The following MAST4 variants were observed in gnomAD, a reference collection of about 807,000 sequenced individuals.
MAST4 encodes the protein microtubule-associated serine/threonine-protein kinase 4.
Under a neutral mutation model 162.7 loss-of-function variants are expected in MAST4, and 89 were observed. The observed-to-expected ratio is 0.55, with a 90% CI of 0.46 to 0.65. The LOEUF (loss-of-function observed/expected upper bound fraction) is 0.65, where lower values mean the gene tolerates loss of function less well. Among genes scored for constraint, MAST4 ranks in the 30% least tolerant of loss-of-function variants. The pLI is 0.00. For missense variants in MAST4, 3,153 were observed against 3,374.0 expected (o/e 0.93, Z 1.62); for synonymous variants, 1,479 against 1,361.1 (o/e 1.09, Z -1.91).
intron 3 of MAST4, among the ~76,000 whole-genome samples, chr5:66,898,647 C>G (rs1393557388): frequency 6.6e-6 from 1 of 152,184 alleles, no homozygotes; most frequent in African/African-American, 2.4e-5. Flanking sequence ...CCACTGAACC[C>G]TAGAGCCCTT....
chr5:67,097,879 G>A (rs1306987500), intron 7 of MAST4, among the ~76,000 whole-genome samples: 1 of 152,072 alleles, frequency 6.6e-6, no homozygotes, highest in Non-Finnish European at 1.5e-5. Context: ...AAAGTGATGA[G>A]CGAAAACTAG....
At chr5:66,798,915 G>C (rs1401449433) in intron 3 of MAST4, among the ~76,000 whole-genome samples, 1 of 152,128 alleles carries the variant, frequency 6.6e-6, no homozygotes, top group East Asian at 1.9e-4. Context: ...CCTAAATACA[G>C]TGATGAAGTT....
intron 3 of MAST4, among the ~76,000 whole-genome samples, chr5:66,872,090 T>C (rs904544054): frequency 1.3e-5 from 2 of 152,166 alleles, no homozygotes; most frequent in African/African-American, 4.8e-5. Flanking sequence ...ATAATGCTAG[T>C]TTACCACCCT....
At chr5:67,083,520 GA>G (rs1252622498) in intron 5 of MAST4, among the ~76,000 whole-genome samples, 1 of 152,012 alleles carries the variant, frequency 6.6e-6, no homozygotes, top group African/African-American at 2.4e-5. Flanking sequence ...AACAGTCTGA[GA>G]AAAACCCATT....
At chr5:67,069,887 T>TGTGTGC (rs1554091843) in intron 5 of MAST4, among the ~76,000 whole-genome samples, 1 of 150,304 alleles carries the variant, frequency 6.7e-6, no homozygotes, top group African/African-American at 2.5e-5. Flanking sequence ...AGAAAGTGTG[T>TGTGTGC]GTGTGTGTGT....
chr5:66,630,592 C>T (rs927786968), intron 1 of MAST4, among the ~76,000 whole-genome samples: 1 of 152,156 alleles, frequency 6.6e-6, no homozygotes, highest in Non-Finnish European at 1.5e-5. Flanking sequence ...AAAGTATTCA[C>T]ATATTATATA....
chr5:66,708,194 G>A (rs890527481), intron 1 of MAST4, among the ~76,000 whole-genome samples: 2 of 152,138 alleles, frequency 1.3e-5, no homozygotes, highest in Non-Finnish European at 2.9e-5. Context: ...TTTTATTTGC[G>A]GAAAGAGTGC....
At chr5:67,046,458 A>G (rs1009869268) in intron 4 of MAST4, among the ~76,000 whole-genome samples, 1 of 152,204 alleles carries the variant, frequency 6.6e-6, no homozygotes, top group African/African-American at 2.4e-5. Context: ...ATTCTGCCTT[A>G]GAGTCTAGTT....
intron 26 of MAST4, among the ~76,000 whole-genome samples, chr5:67,157,426 A>G (rs1443865873): frequency 6.6e-6 from 1 of 152,222 alleles, no homozygotes; most frequent in Non-Finnish European, 1.5e-5. Flanking sequence ...ATGTGCTGTC[A>G]TTTAAGCCCT....
Position 66,618,115 on chromosome 5 carries a change from C to T in MAST4, c.363+21097C>T, listed in dbSNP as rs556383345. Among the ~76,000 whole-genome samples, 6 of 152,186 alleles carry T rather than the reference C, an allele frequency of 3.9e-5. No homozygotes were observed. The East Asian group carries it at 7.7e-4, about 20-fold the overall frequency. ...GTGAGTAACCAGGGTTGTAGGAGCA[C>T]CGGCCTCCCGCCCGTTGGCTTGTGG... On this transcript the variant is annotated intron_variant, in intron 1 of 28. Coordinates refer to ENST00000403625, the MANE Select transcript of MAST4 (RefSeq NM_001164664.2).
rs995485190 is a variant in MAST4 at position 66,932,327 on chromosome 5, G to A, written c.674+32345G>A. Among the ~76,000 whole-genome samples the A allele has an allele frequency of 1.3e-5, 2 of 152,148 alleles. 1 individual carries two copies. Among genetic ancestry groups the A allele is most frequent in the African/African-American group, 4.8e-5 (2 of 41,460 alleles). The stretch of plus-strand genomic sequence containing the variant: ...ATCTTCTAGTTTACTTACTCAAACA[G>A]TAAATTCATAAGATGGCTATTCCAT... On this transcript the variant is annotated intron_variant, in intron 4 of 28. Coordinates refer to ENST00000403625, the MANE Select transcript of MAST4 (RefSeq NM_001164664.2).
chr5:66,800,512 G>T (rs1755864704), intron 3 of MAST4, among the ~76,000 whole-genome samples: 1 of 152,086 alleles, frequency 6.6e-6, no homozygotes, highest in African/African-American at 2.4e-5. Flanking sequence ...TGGGCACAAA[G>T]TTGGGAACAC....
intron 3 of MAST4, among the ~76,000 whole-genome samples, chr5:66,863,795 C>T (rs1383211978): frequency 6.6e-6 from 1 of 152,094 alleles, no homozygotes; most frequent in African/African-American, 2.4e-5. Flanking sequence ...TGGCTGAATG[C>T]TTTACTGAAA....
intron 12 of MAST4, among the ~76,000 whole-genome samples, chr5:67,115,586 C>T (rs539122990): frequency 1.0e-3 from 152 of 152,344 alleles, no homozygotes; most frequent in Non-Finnish European, 1.4e-3. Context: ...GAAAAGTTCC[C>T]TGGGGAGAGA....
At chr5:66,905,475 T>A (rs1209108473) in intron 4 of MAST4, among the ~76,000 whole-genome samples, 1 of 152,172 alleles carries the variant, frequency 6.6e-6, no homozygotes, top group African/African-American at 2.4e-5. Flanking sequence ...CTTATTTTAA[T>A]TAACTGATCT....
intron 14 of MAST4, among the ~76,000 whole-genome samples, chr5:67,127,491 T>A (rs943664053): frequency 2.0e-5 from 3 of 152,220 alleles, no homozygotes; most frequent in Admixed American, 6.5e-5. Flanking sequence ...ATTGAGATAA[T>A]CATGTGGTTT....
intron 1 of MAST4, among the ~76,000 whole-genome samples, chr5:66,691,862 A>G (rs1262551093): frequency 6.6e-6 from 1 of 152,140 alleles, no homozygotes; most frequent in Admixed American, 6.6e-5. Context: ...GTTCTTAGTA[A>G]TGGCCATCTC....
At chr5:66,784,294 ATAT>A (rs1191080288) in intron 2 of MAST4, among the ~76,000 whole-genome samples, 3 of 152,208 alleles carry the variant, frequency 2.0e-5, no homozygotes, top group Non-Finnish European at 2.9e-5. Flanking sequence ...ATTAAAAGTA[ATAT>A]TATAAAATAT....
chr5:67,134,671 T>A lies in MAST4; in HGVS notation c.2375T>A (p.Phe792Tyr). 6.2e-7 allele frequency: 1 copy of A among 1,613,178 alleles called. No individual in the cohort carries two copies. Among genetic ancestry groups the A allele is most frequent in the Non-Finnish European group, 8.5e-7 (1 of 1,179,378 alleles). Residue 792 changes from phenylalanine to tyrosine, a missense_variant, in exon 18 of 29, where the codon TTT becomes TAT. By Grantham distance (22) the Phe-to-Tyr change is conservative. Coordinates refer to ENST00000403625, the MANE Select transcript of MAST4 (RefSeq NM_001164664.2). ...TTTGGGGATACTCCAGAGGAGCTAT[T>A]TGGACAAGTCATCAGTGGTAAATAT... The part of the protein sequence containing the change: ...PFFGDTPEEL[F>Y]GQVISDEINW...
Sources: allele counts gnomAD v4.1 joint callset (sites outside exome capture counted in the v4.1 genomes callset), GRCh38; gene constraint gnomAD v4.1.1; transcripts MANE v1.5; gene names NCBI Gene and HGNC (gene_info 2026-07-23, HGNC 2026-07-21).